SPON1: variants seen among roughly 807,000 people sequenced by gnomAD.
SPON1 encodes spondin 1.
In SPON1, 52 loss-of-function variants were observed where a neutral mutation model predicts 111.7. The observed-to-expected ratio is 0.47, with a 90% CI of 0.37 to 0.59. SPON1 has a LOEUF of 0.59. Ranked by LOEUF, SPON1 falls within the 20% of genes least tolerant of loss-of-function variation. SPON1 has a pLI of 0.00. For synonymous variants in SPON1, 410 were observed against 395.8 expected (o/e 1.04, Z -0.43); for missense variants, 957 against 1,068.5 (o/e 0.90, Z 1.46).
At chr11:13,984,844 T>C (rs1240345577) in intron 2 of SPON1, among the ~76,000 whole-genome samples, 1 of 152,126 alleles carries the variant, frequency 6.6e-6, no homozygotes, top group African/African-American at 2.4e-5. Flanking sequence ...GCTGAATGAG[T>C]GGATAAACAT....
In SPON1 at chr11:14,106,491, T is replaced by C. The variant is rs569845409; in HGVS notation, c.676+26470T>C. 2.0e-5 allele frequency among the ~76,000 whole-genome samples: 3 copies of C among 152,260 alleles called. No homozygotes were observed. In the East Asian group the frequency reaches 5.8e-4, roughly 29 times the overall value. On this transcript the variant is annotated intron_variant, in intron 5 of 15. Transcript: ENST00000576479. ...TGTTTATGCCAAGAAGGGCCAACTA[T>C]TTATAATCACAAGTGGAGTTTCTGC...
intron 5 of SPON1, among the ~76,000 whole-genome samples, chr11:14,134,716 A>G (rs192489421): frequency 1.3e-4 from 20 of 152,234 alleles, no homozygotes; most frequent in African/African-American, 4.3e-4. Flanking sequence ...GCTCTCTCCA[A>G]TGCATTCTTC....
At position 14,152,518 on chromosome 11, in the gene SPON1, G is replaced by A. The variant is rs557720538; in HGVS notation, c.825+16950G>A. Among the ~76,000 whole-genome samples the A allele has an allele frequency of 2.0e-5, 3 of 152,304 alleles. No individual in the cohort carries two copies. In the East Asian group the frequency reaches 5.8e-4, roughly 29 times the overall value. ...AGCAGCTCTCTGGAGTAGCATTGGG[G>A]AAACTGAAATCTTATTTTGAAATAG... is the stretch of plus-strand genomic sequence containing the variant. On this transcript the variant is annotated intron_variant, in intron 6 of 15. Transcript: ENST00000576479.
chr11:14,031,193 G>A (rs1554916009), intron 2 of SPON1, among the ~76,000 whole-genome samples: 2 of 152,162 alleles, frequency 1.3e-5, no homozygotes, highest in Non-Finnish European at 2.9e-5. Flanking sequence ...GACACCAGGG[G>A]CTACCGGAGC....
At chr11:14,127,586 G>A (rs1225545311) in intron 5 of SPON1, among the ~76,000 whole-genome samples, 1 of 152,194 alleles carries the variant, frequency 6.6e-6, no homozygotes, top group Non-Finnish European at 1.5e-5. Context: ...ACTCAACTTT[G>A]AATCCCAGTG....
chr11:14,084,163 T>C (rs192816849), intron 5 of SPON1, among the ~76,000 whole-genome samples: 1 of 152,212 alleles, frequency 6.6e-6, no homozygotes, highest in African/African-American at 2.4e-5. Flanking sequence ...AGTTCTGGGA[T>C]ATGTGTGCAG....
At chr11:14,112,217 C>CA (rs1849231810) in intron 5 of SPON1, among the ~76,000 whole-genome samples, 1 of 152,038 alleles carries the variant, frequency 6.6e-6, no homozygotes. Context: ...TAATTTATAA[C>CA]AAACAGCGCA....
chr11:14,172,401 G>T (rs2133882590), intron 6 of SPON1, among the ~76,000 whole-genome samples: 1 of 151,830 alleles, frequency 6.6e-6, no homozygotes, highest in South Asian at 2.1e-4. Context: ...CATGTGAGAT[G>T]GGTTTCCTGA....
intron 6 of SPON1, among the ~76,000 whole-genome samples, chr11:14,175,014 G>A (rs1289319448): frequency 7.9e-6 from 1 of 126,836 alleles, no homozygotes; most frequent in East Asian, 2.7e-4. Context: ...GAAAATTAAA[G>A]AGAGGAAATC....
chr11:13,994,962 A>G (rs1848260188), intron 2 of SPON1, among the ~76,000 whole-genome samples: 1 of 152,226 alleles, frequency 6.6e-6, no homozygotes, highest in African/African-American at 2.4e-5. Context: ...TATAAAATAT[A>G]CAGTGTTTTC....
At chr11:14,053,096 G>C (rs886700036) in intron 3 of SPON1, among the ~76,000 whole-genome samples, 13 of 152,136 alleles carry the variant, frequency 8.5e-5, no homozygotes, top group Non-Finnish European at 1.6e-4. Context: ...TGGTCAAGTT[G>C]GGATCAAAAC....
chr11:14,239,649 C>T (rs782345705), intron 6 of SPON1, among the ~76,000 whole-genome samples: 18 of 152,110 alleles, frequency 1.2e-4, no homozygotes, highest in South Asian at 2.1e-4. Context: ...TGCTTGAGCC[C>T]GGGAGGCTGA....
chr11:13,985,144 A>G (rs1266931736), intron 2 of SPON1, among the ~76,000 whole-genome samples: 1 of 152,220 alleles, frequency 6.6e-6, no homozygotes, highest in Non-Finnish European at 1.5e-5. Flanking sequence ...AATCTGATGC[A>G]TGCTCAGATT....
chr11:14,035,926 T>C (rs1257563843), intron 2 of SPON1, among the ~76,000 whole-genome samples: 1 of 152,174 alleles, frequency 6.6e-6, no homozygotes, highest in Non-Finnish European at 1.5e-5. Flanking sequence ...CCTACTACAC[T>C]TCATTCTTAC....
At chr11:14,208,298 G>A (rs1423535757) in intron 6 of SPON1, among the ~76,000 whole-genome samples, 3 of 151,762 alleles carry the variant, frequency 2.0e-5, no homozygotes, top group Non-Finnish European at 4.4e-5. Context: ...TATAACAAAC[G>A]CCAGTGACAC....
At chr11:14,215,624 C>G (rs1219574499) in intron 6 of SPON1, among the ~76,000 whole-genome samples, 1 of 152,160 alleles carries the variant, frequency 6.6e-6, no homozygotes, top group African/African-American at 2.4e-5. Flanking sequence ...AAGCCCCCCA[C>G]ATTCAAGGGG....
At chr11:14,253,688 G>C (rs1554940866) in intron 7 of SPON1, among the ~76,000 whole-genome samples, 1 of 152,236 alleles carries the variant, frequency 6.6e-6, no homozygotes, top group East Asian at 1.9e-4. Flanking sequence ...CAGCCTTGGG[G>C]TGCAGAGTCA....
At chr11:14,108,932 G>A (rs151082689) in intron 5 of SPON1, among the ~76,000 whole-genome samples, 2 of 152,154 alleles carry the variant, frequency 1.3e-5, no homozygotes, top group Non-Finnish European at 2.9e-5. Flanking sequence ...TGTATCCTAG[G>A]GGCTGAGCAA....
At chr11:14,107,058 C>G (rs1849190293) in intron 5 of SPON1, among the ~76,000 whole-genome samples, 1 of 152,110 alleles carries the variant, frequency 6.6e-6, no homozygotes, top group Non-Finnish European at 1.5e-5. Context: ...CAAAATGTAC[C>G]AGGTTTTTCC....
Sources: allele counts gnomAD v4.1 joint callset (sites outside exome capture counted in the v4.1 genomes callset), GRCh38; gene constraint gnomAD v4.1.1; transcripts MANE v1.5; gene names NCBI Gene and HGNC (gene_info 2026-07-23, HGNC 2026-07-21).